Variants in CGAS observed in about 807,000 individuals in gnomAD.
CGAS encodes 2'3'-cGAMP synthase.
In CGAS, 31 loss-of-function variants were observed where a neutral mutation model predicts 34.0. That is an observed-to-expected ratio of 0.91 (90% CI 0.69 to 1.23). The LOEUF (loss-of-function observed/expected upper bound fraction) is 1.23, where lower values mean the gene tolerates loss of function less well. Ranked by LOEUF, CGAS falls within the 50% of genes most tolerant of loss-of-function variation. The pLI is 0.00. For missense variants in CGAS, 597 were observed against 657.6 expected (o/e 0.91, Z 1.01); for synonymous variants, 266 against 260.0 (o/e 1.02, Z -0.22).
intron 1 of CGAS, among the ~76,000 whole-genome samples, chr6:73,448,165 G>A (rs1435481900): frequency 6.6e-6 from 1 of 152,208 alleles, no homozygotes; most frequent in Admixed American, 6.6e-5. Flanking sequence ...GCTGAGACGG[G>A]TGGATCACCT....
intron 3 of CGAS, among the ~76,000 whole-genome samples, chr6:73,436,711 C>T (rs1770286371): frequency 6.7e-6 from 1 of 149,098 alleles, no homozygotes. Flanking sequence ...TTAGTAGAGA[C>T]AGGCTTTCAC....
chr6:73,442,204 C>T (rs918439896), intron 2 of CGAS, among the ~76,000 whole-genome samples: 3 of 152,000 alleles, frequency 2.0e-5, no homozygotes, highest in Non-Finnish European at 2.9e-5. Flanking sequence ...CACCTCTGCC[C>T]ATAGTCTCTG....
rs1478641579 is a variant in CGAS, at chr6:73,428,724, T to C, written c.1202A>G (p.Glu401Gly). ...AGGCTGTTACCTGCAACATTTCTCT[T>C]CTTTGTTTTCACAGCACGTTTTAGA... Reference protein sequence around the residue: ...GKSKTCCENKEEKCCRKDCLK... With the variant: ...GKSKTCCENKGEKCCRKDCLK... The change falls in exon 4 of 5, where the codon GAA becomes GGA. Residue 401 changes from glutamate to glycine, a missense_variant. By Grantham distance (98) the Glu-to-Gly change is moderately conservative (BLOSUM62 -2). Transcript: ENST00000370315. 2 of 1,612,002 alleles carry C rather than the reference T, an allele frequency of 1.2e-6. No individual in the cohort carries two copies. Among genetic ancestry groups the C allele is most frequent in the Non-Finnish European group, 1.7e-6 (2 of 1,179,544 alleles).
Position 73,425,152 on chromosome 6 carries a change from C to T in CGAS, c.*75G>A. 8.9e-7 allele frequency: 1 copy of T among 1,123,292 alleles called. No individual in the cohort carries two copies. The highest frequency in any genetic ancestry group is 1.2e-6 in the Non-Finnish European group (1 of 800,570). 69.6% of individuals were successfully genotyped at this position (1,123,292 alleles called of 1,614,324 possible). ...ACAGGTGTGAGCCACAGCGTCTGGC[C>T]CCTTTTCAAATTTTTCTTGTATTCT... On this transcript the variant is annotated 3_prime_UTR_variant, in exon 5 of 5. Coordinates refer to ENST00000370315, the MANE Select transcript of CGAS (RefSeq NM_138441.3).
Position 73,440,275 on chromosome 6 carries a change from T to G in CGAS, c.1048A>C (p.Lys350Gln), listed in dbSNP as rs2150813844. ...IQNWLSAKVRKQLRLKPFYLV... is the reference protein window; with the variant it reads ...IQNWLSAKVRQQLRLKPFYLV... ...TAAAATGGCTTTAGTCGTAGTTGCTTCCTAACTTTTGCTGAAAGCCAGTTT... is the reference window on the plus strand; with the variant it reads ...TAAAATGGCTTTAGTCGTAGTTGCTGCCTAACTTTTGCTGAAAGCCAGTTT... The change falls in exon 3 of 5, where the codon AAG (lysine) becomes CAG (glutamine). Residue 350 changes from lysine to glutamine, a missense_variant. Lys to Gln is a moderately conservative substitution (Grantham distance 53). Transcript: ENST00000370315. The G allele has an allele frequency of 6.2e-7, 1 of 1,614,208 alleles. No individual in the cohort carries two copies. The highest frequency in any genetic ancestry group is 1.1e-5 in the South Asian group (1 of 91,086).
intron 3 of CGAS, among the ~76,000 whole-genome samples, chr6:73,434,830 T>C (rs1352827880): frequency 6.6e-6 from 1 of 152,016 alleles, no homozygotes; most frequent in African/African-American, 2.4e-5. Context: ...ATTTTTTTAG[T>C]AGAGACGGGG....
intron 2 of CGAS, among the ~76,000 whole-genome samples, chr6:73,440,756 G>A (rs113534345): frequency 6.6e-6 from 1 of 152,126 alleles, no homozygotes; most frequent in Admixed American, 6.6e-5. Flanking sequence ...ACAAAAATTA[G>A]CCGGGCATGG....
intron 3 of CGAS, among the ~76,000 whole-genome samples, chr6:73,433,681 G>T (rs1251600520): frequency 6.6e-6 from 1 of 151,828 alleles, no homozygotes; most frequent in Non-Finnish European, 1.5e-5. Flanking sequence ...TAGAAATGGG[G>T]TCTTACCATG....
chr6:73,425,761 G>A (rs1326320226), intron 4 of CGAS, among the ~76,000 whole-genome samples, 183 bp from the exon 5 acceptor site: 1 of 150,788 alleles, frequency 6.6e-6, no homozygotes, highest in Admixed American at 6.6e-5. Context: ...GATCACCTAA[G>A]ATCAAGAGTT....
intron 2 of CGAS, among the ~76,000 whole-genome samples, chr6:73,441,947 A>T (rs1770387727): frequency 6.6e-6 from 1 of 152,012 alleles, no homozygotes; most frequent in Non-Finnish European, 1.5e-5. Flanking sequence ...ATATCAGCTC[A>T]CTGCAAACTC....
intron 4 of CGAS, among the ~76,000 whole-genome samples, chr6:73,427,351 G>C (rs1770107116): frequency 6.6e-6 from 1 of 151,442 alleles, no homozygotes. Context: ...CCAGGCTGGA[G>C]TGCAGTGGCA....
Position 73,425,569 on chromosome 6 carries a change from A to G in CGAS, c.1227T>C (p.Cys409=). The G allele has an allele frequency of 6.3e-7, 1 of 1,579,534 alleles. No homozygotes were observed. Among genetic ancestry groups the G allele is most frequent in the Admixed American group, 1.9e-5 (1 of 51,524 alleles). ...NKEEKCCRKD[C]LKLMKYLLEQ... Reference sequence around the variant, plus strand: ...CTAAAAGGTATTTCATTAGTTTTAAACAATCTTTCCTGTTGAATAAAAAAG... The same window carrying G: ...CTAAAAGGTATTTCATTAGTTTTAAGCAATCTTTCCTGTTGAATAAAAAAG... The change falls in exon 5 of 5, where the codon TGT becomes TGC. Residue 409 remains cysteine, a synonymous_variant. Coordinates refer to ENST00000370315, the MANE Select transcript of CGAS (RefSeq NM_138441.3).
intron 2 of CGAS, among the ~76,000 whole-genome samples, chr6:73,444,314 T>TAA (rs1310505554): frequency 6.6e-5 from 9 of 137,268 alleles, no homozygotes; most frequent in South Asian, 2.1e-4. Context: ...TAATTTAATT[T>TAA]TATTTTATTT....
chr6:73,446,440 A>ACGTCCT (rs1770471316), intron 1 of CGAS, among the ~76,000 whole-genome samples: 1 of 29,828 alleles, frequency 3.4e-5, no homozygotes. Context: ...AAAAAAAAAA[A>ACGTCCT]TCGGGCCGGG....
chr6:73,439,999 T>C, intron 3 of CGAS: 1 of 504,680 alleles, frequency 2.0e-6, no homozygotes, highest in Non-Finnish European at 3.5e-6. Context: ...TATGGATTGC[T>C]AGACATTTTA....
At chr6:73,450,838 A>C (rs1303740179) in intron 1 of CGAS, among the ~76,000 whole-genome samples, 1 of 151,784 alleles carries the variant, frequency 6.6e-6, no homozygotes, top group Non-Finnish European at 1.5e-5. Flanking sequence ...AATACAAAAA[A>C]AATTAGCCGG....
At position 73,451,506 on chromosome 6, in the gene CGAS, AG is replaced by A; in HGVS notation, c.657+18del. On this transcript the variant is annotated intron_variant, in intron 1 of 4. Transcript: ENST00000370315. The stretch of plus-strand genomic sequence containing the variant: ...AGGCCGAGCAGCGGGGCTCGGCGGG[AG>A]GGCGCCAAGCAGCTCACCTTCACGT... 6.6e-7 allele frequency: 1 copy of A among 1,515,940 alleles called. No homozygotes were observed. Among genetic ancestry groups the A allele is most frequent in the Non-Finnish European group, 8.9e-7 (1 of 1,125,330 alleles). The allele number at this position is 1,515,940 out of a possible 1,614,324, so 93.9% of individuals were successfully genotyped here. A position where few individuals can be genotyped will look rare whatever the true frequency, so the allele number is the denominator to read the frequency against.
intron 1 of CGAS, 56 bp downstream of exon 1, chr6:73,451,469 G>A (rs1260396093): frequency 1.7e-5 from 26 of 1,497,758 alleles, no homozygotes; most frequent in Non-Finnish European, 3.6e-6. Flanking sequence ...GGTAGGGACT[G>A]CGGATTGCGG....
intron 1 of CGAS, 106 bp from the exon 2 acceptor site, chr6:73,445,853 G>T: frequency 1.3e-6 from 1 of 790,642 alleles, no homozygotes; most frequent in Non-Finnish European, 2.0e-6. Context: ...TAAAAAGCAA[G>T]ATTCATAATG....
Sources: gnomAD v4.1 joint callset for allele counts (sites outside exome capture counted in the v4.1 genomes callset) on GRCh38, gnomAD v4.1.1 for gene constraint, MANE v1.5 for transcripts, NCBI Gene and HGNC (gene_info 2026-07-23, HGNC 2026-07-21) for gene names.